The following ARHGAP32 variants were observed in gnomAD, a reference collection of about 807,000 sequenced individuals.
ARHGAP32 encodes rho GTPase-activating protein 32.
In ARHGAP32, 51 loss-of-function variants were observed where a neutral mutation model predicts 186.5. The ratio of observed to expected loss-of-function variants is 0.27; its 90% CI spans 0.22 to 0.35. The LOEUF (loss-of-function observed/expected upper bound fraction) is 0.35, where lower values mean the gene tolerates loss of function less well. Ranked by LOEUF, ARHGAP32 falls within the 10% of genes least tolerant of loss-of-function variation. The probability of loss-of-function intolerance (pLI) is 1.00; values close to 1 mark genes in which losing one functional copy is unlikely to be tolerated. For missense variants in ARHGAP32, 2,186 were observed against 2,623.5 expected (o/e 0.83, Z 3.64); for synonymous variants, 950 against 964.3 (o/e 0.99, Z 0.27).
rs2136060398 is a variant in ARHGAP32 at position 128,969,857 on chromosome 11, G to A, written c.5356C>T (p.Gln1786Ter). The change falls in exon 23 of 23, where the codon CAA becomes TAA. Residue 1786 changes from glutamine to a stop codon, truncating the protein, a stop_gained. Coordinates refer to ENST00000682385, the MANE Select transcript of ARHGAP32 (RefSeq NM_001378024.1). LOFTEE classifies it high-confidence loss of function. This position sits in a 1 kb window ranked among gnomAD's most constrained non-coding sequence, Gnocchi z 4.8. ...ACCGCCGGGGTCATGTTATCATATT[G>A]GGACATGACAGGCCCTTTCACCTTC... ...RQKVKGPVMS[Q>*]YDNMTPAVQD... 1 of 1,614,152 alleles carries A rather than the reference G, an allele frequency of 6.2e-7. No homozygotes were observed. Among genetic ancestry groups the A allele is most frequent in the Non-Finnish European group, 8.5e-7 (1 of 1,180,030 alleles).
intron 21 of ARHGAP32, chr11:128,973,779 G>A (rs1945463943): frequency 7.9e-6 from 4 of 508,886 alleles, no homozygotes; most frequent in Non-Finnish European, 3.4e-6. Flanking sequence ...ATTTGATGGT[G>A]TAGCTGGCTT....
At chr11:128,981,166 TA>T (rs1258330102) in intron 17 of ARHGAP32, among the ~76,000 whole-genome samples, 2 of 152,232 alleles carry the variant, frequency 1.3e-5, no homozygotes, top group African/African-American at 4.8e-5. Context: ...TATACTTTAA[TA>T]CACATCAATA....
At chr11:129,056,087 T>C (rs1940243136) in intron 10 of ARHGAP32, among the ~76,000 whole-genome samples, 1 of 152,154 alleles carries the variant, frequency 6.6e-6, no homozygotes, top group Non-Finnish European at 1.5e-5. Flanking sequence ...GTCAGTGCTG[T>C]AGGTAAACTC....
intron 2 of ARHGAP32, among the ~76,000 whole-genome samples, chr11:129,157,629 G>GAATGGAATC (rs917727705): frequency 2.6e-5 from 4 of 152,112 alleles, no homozygotes; most frequent in African/African-American, 7.2e-5. Flanking sequence ...GTGACGAGGA[G>GAATGGAATC]AATGGAATCA....
chr11:129,070,543 A>G (rs549965324), intron 6 of ARHGAP32, among the ~76,000 whole-genome samples: 1 of 151,302 alleles, frequency 6.6e-6, no homozygotes, highest in African/African-American at 2.5e-5. Flanking sequence ...ATAATTGATA[A>G]CAAGATTATA....
At chr11:129,027,183 A>T (rs1050453719) in intron 11 of ARHGAP32, among the ~76,000 whole-genome samples, 1 of 152,058 alleles carries the variant, frequency 6.6e-6, no homozygotes, top group Non-Finnish European at 1.5e-5. Context: ...GCCAAAATAT[A>T]TCCAGAAGCA....
At chr11:129,044,282 T>A (rs1350601827) in intron 10 of ARHGAP32, among the ~76,000 whole-genome samples, 1 of 152,214 alleles carries the variant, frequency 6.6e-6, no homozygotes, top group African/African-American at 2.4e-5. Flanking sequence ...TGCATTGATT[T>A]GTTAACTAAA....
chr11:129,272,967 TG>T (rs1340223468), intron 1 of ARHGAP32, among the ~76,000 whole-genome samples: 5 of 152,204 alleles, frequency 3.3e-5, no homozygotes, highest in Non-Finnish European at 5.9e-5. Flanking sequence ...AGTTCTTACT[TG>T]GGTTGTCTAC....
intron 6 of ARHGAP32, among the ~76,000 whole-genome samples, chr11:129,072,118 A>C (rs945836688): frequency 2.0e-5 from 3 of 152,178 alleles, no homozygotes; most frequent in African/African-American, 7.2e-5. Context: ...AGTAATAAGT[A>C]GTTAAGGTAG....
At chr11:128,993,459 A>C (rs1946118170) in intron 12 of ARHGAP32, 1 of 151,688 alleles carries the variant, frequency 6.6e-6, no homozygotes, top group Non-Finnish European at 1.5e-5. Context: ...ATTATATATG[A>C]TATATATCAA....
At chr11:128,999,175 C>T (rs1054155934) in intron 11 of ARHGAP32, among the ~76,000 whole-genome samples, 1 of 152,162 alleles carries the variant, frequency 6.6e-6, no homozygotes, top group African/African-American at 2.4e-5. Context: ...AGGAACAGCC[C>T]TGGGAAAGAG....
At chr11:129,103,510 T>C (rs1941961944) in intron 5 of ARHGAP32, among the ~76,000 whole-genome samples, 2 of 152,004 alleles carry the variant, frequency 1.3e-5, no homozygotes, top group Non-Finnish European at 2.9e-5. Context: ...ATGAGAACTT[T>C]CCAAAATATG....
chr11:129,034,824 A>G (rs1939262625), intron 11 of ARHGAP32, among the ~76,000 whole-genome samples: 1 of 140,402 alleles, frequency 7.1e-6, no homozygotes, highest in Non-Finnish European at 1.5e-5. Context: ...TCTCAAAAAA[A>G]AGAAAAAGAA....
upstream of ARHGAP32, among the ~76,000 whole-genome samples, chr11:129,193,791 A>T (rs953269201): frequency 1.2e-4 from 16 of 129,454 alleles, no homozygotes; most frequent in Admixed American, 5.6e-4. Context: ...TTCAAAAAAA[A>T]TTTTTTAAAC....
chr11:128,985,858 G>GTATATATATATATATATATATA (rs1555063867), intron 15 of ARHGAP32, 145 bp downstream of exon 15: 1 of 95,310 alleles, frequency 1.0e-5, no homozygotes, highest in African/African-American at 4.6e-5. Flanking sequence ...GTGTGTGTGT[G>GTATATATATATATATATATATA]TATATATATA....
chr11:129,045,918 C>T (rs1177289613), intron 10 of ARHGAP32, among the ~76,000 whole-genome samples: 1 of 152,148 alleles, frequency 6.6e-6, no homozygotes, highest in Non-Finnish European at 1.5e-5. Context: ...AATGTAGAGA[C>T]AGGGCTGGAA....
At chr11:129,054,376 C>T (rs554029235) in intron 10 of ARHGAP32, among the ~76,000 whole-genome samples, 17 of 152,266 alleles carry the variant, frequency 1.1e-4, no homozygotes, top group Admixed American at 8.5e-4. Flanking sequence ...CCTACATCAG[C>T]AGTTCTCATG....
intron 10 of ARHGAP32, among the ~76,000 whole-genome samples, chr11:129,041,991 T>C (rs1232191782): frequency 1.3e-5 from 2 of 152,246 alleles, no homozygotes; most frequent in Non-Finnish European, 2.9e-5. Context: ...CACCAAGTTC[T>C]GAGCTGTATA....
intron 9 of ARHGAP32, among the ~76,000 whole-genome samples, chr11:129,063,032 TCAATGGA>T (rs1940563052): frequency 6.6e-6 from 1 of 152,076 alleles, no homozygotes. Context: ...AATAATATAT[TCAATGGA>T]AGTTATATTC....
Sources: allele counts gnomAD v4.1 joint callset (sites outside exome capture counted in the v4.1 genomes callset), GRCh38; gene constraint gnomAD v4.1.1; non-coding constraint Gnocchi (gnomAD v3.1); transcripts MANE v1.5; gene names NCBI Gene and HGNC (gene_info 2026-07-23, HGNC 2026-07-21).